Variants in COL4A5 observed in about 807,000 individuals in gnomAD.
The protein encoded by COL4A5 is collagen type IV alpha 5 chain, also known as collagen alpha-5(IV) chain.
Under a neutral mutation model 130.2 loss-of-function variants are expected in COL4A5, and 26 were observed. That is an observed-to-expected ratio of 0.20 (90% confidence interval 0.15 to 0.28). The LOEUF is 0.28. COL4A5 is among the 10% of genes least tolerant of loss of function. The pLI is 1.00. For missense variants in COL4A5, 1,131 were observed against 1,344.3 expected (o/e 0.84, Z 2.48); for synonymous variants, 496 against 439.6 (o/e 1.13, Z -1.60).
chrX:108,458,167 T>G (rs970896638), intron 1 of COL4A5, among the ~76,000 whole-genome samples: 2 of 111,636 alleles, frequency 1.8e-5, no homozygotes, highest in African/African-American at 6.5e-5. Context: ...CACCAAGATT[T>G]TCTTTCATAT....
intron 36 of COL4A5, among the ~76,000 whole-genome samples, chrX:108,647,532 G>T (rs1255541276): frequency 1.8e-5 from 2 of 111,312 alleles, no homozygotes; most frequent in Non-Finnish European, 3.8e-5. Context: ...TGCAAATAGG[G>T]ACAATTTGAC....
chrX:108,651,479 G>A (rs73530107), intron 36 of COL4A5, among the ~76,000 whole-genome samples: 11,719 of 111,406 alleles, frequency 0.11, 1,302 homozygotes, highest in African/African-American at 0.34. Context: ...CCTGAGATTT[G>A]ATGAACAAAT....
At position 108,614,916 on chromosome X, in the gene COL4A5, G is replaced by A; in HGVS notation, c.2401G>A (p.Val801Ile). The A allele has an allele frequency of 8.3e-7, 1 of 1,200,428 alleles. No homozygotes were observed. Among genetic ancestry groups the A allele is most frequent in the Non-Finnish European group, 1.1e-6 (1 of 885,216 alleles). Residue 801 changes from valine to isoleucine, a missense_variant, in exon 30 of 53, where the codon GTT (valine) becomes ATT (isoleucine). By Grantham distance (29) the Val-to-Ile change is conservative. Coordinates refer to ENST00000328300, the MANE Select transcript of COL4A5 (RefSeq NM_033380.3). ...LDGLPGPKGDVGPNGQPGPMG... is the reference protein window; with the variant it reads ...LDGLPGPKGDIGPNGQPGPMG... Reference sequence around the variant, plus strand: ...ACTGTATTTATTTCTTAAAGGTGATGTTGGACCAAATGGACAACCTGGACC... The same window carrying A: ...ACTGTATTTATTTCTTAAAGGTGATATTGGACCAAATGGACAACCTGGACC...
chrX:108,689,796 G>C (rs1051269105), intron 49 of COL4A5: 34 of 753,043 alleles, frequency 4.5e-5, no homozygotes, highest in Non-Finnish European at 5.2e-5. Context: ...AAGCTTTTCT[G>C]TCTGGGAGAA....
chrX:108,507,262 G>A (rs28887780), intron 1 of COL4A5, among the ~76,000 whole-genome samples: 6,378 of 69,618 alleles, frequency 0.092, 565 homozygotes, highest in African/African-American at 0.28. Flanking sequence ...AAAAAAAAAA[G>A]AAAAAAAAAA....
intron 1 of COL4A5, among the ~76,000 whole-genome samples, chrX:108,450,833 A>G (rs2064502757): frequency 9.1e-6 from 1 of 110,446 alleles, no homozygotes; most frequent in African/African-American, 3.3e-5. Context: ...TAGTTTTTTT[A>G]TTTTTATTTT....
At chrX:108,597,090 A>C (rs1463647293) in intron 23 of COL4A5, 22 bp downstream of exon 23, 2 of 1,146,017 alleles carry the variant, frequency 1.7e-6, no homozygotes, top group East Asian at 6.1e-5. Flanking sequence ...GTATATTATA[A>C]AACAAAAAGA....
chrX:108,475,262 T>G (rs1283489366), intron 1 of COL4A5, among the ~76,000 whole-genome samples: 1 of 111,680 alleles, frequency 9.0e-6, no homozygotes, highest in Non-Finnish European at 1.9e-5. Context: ...TTTATACATT[T>G]CAGTGTACCT....
intron 1 of COL4A5, among the ~76,000 whole-genome samples, chrX:108,465,763 G>A (rs1217566474): frequency 1.8e-5 from 2 of 111,689 alleles, no homozygotes; most frequent in Non-Finnish European, 3.8e-5. Context: ...TTGGTGTGCA[G>A]TGTGAGTTAA....
At position 108,606,598 on chromosome X, in the gene COL4A5, C is replaced by T. The variant is rs73528321; in HGVS notation, c.2245-144C>T. On this transcript the variant is annotated intron_variant, in intron 28 of 52. Transcript: ENST00000328300. ...TATGTTTTCTCCAACATACCAATTA[C>T]TTTTTATTTAATTATCTTCTCCTCT... The T allele has an allele frequency of 0.021, 12,884 of 626,103 alleles. 1,133 individuals are homozygous for T. In the African/African-American group the frequency reaches 0.25, roughly 12 times the overall value. 51.6% of individuals were successfully genotyped at this position (626,103 alleles called of 1,213,427 possible). A position where few individuals can be genotyped will look rare whatever the true frequency, so the allele number is the denominator to read the frequency against.
chrX:108,490,214 A>G (rs1382145668), intron 1 of COL4A5, among the ~76,000 whole-genome samples: 3 of 112,199 alleles, frequency 2.7e-5, no homozygotes. Context: ...TTAAAATACT[A>G]AACAGTTCCA....
At chrX:108,535,574 GT>G (rs778567203) in intron 1 of COL4A5, among the ~76,000 whole-genome samples, 2 of 110,183 alleles carry the variant, frequency 1.8e-5, no homozygotes, top group East Asian at 2.8e-4. Context: ...TTTTTTAAGG[GT>G]TTTTTTTCCT....
chrX:108,532,018 A>G (rs1383011824), intron 1 of COL4A5, among the ~76,000 whole-genome samples: 1 of 111,358 alleles, frequency 9.0e-6, no homozygotes, highest in Admixed American at 9.6e-5. Context: ...ACAAGACAGA[A>G]ATAATACCAA....
intron 43 of COL4A5, 65 bp downstream of exon 43, chrX:108,674,818 A>T: frequency 9.2e-7 from 1 of 1,081,940 alleles, no homozygotes. Flanking sequence ...GTGTGATAAG[A>T]GAAATGCAAT....
At chrX:108,513,915 C>T (rs2065200549) in intron 1 of COL4A5, among the ~76,000 whole-genome samples, 1 of 111,553 alleles carries the variant, frequency 9.0e-6, no homozygotes, top group Non-Finnish European at 1.9e-5. Context: ...GATGATCTTT[C>T]TCAAATAATT....
At chrX:108,656,910 C>T (rs1182465724) in intron 37 of COL4A5, among the ~76,000 whole-genome samples, 1 of 111,211 alleles carries the variant, frequency 9.0e-6, no homozygotes, top group Non-Finnish European at 1.9e-5. Context: ...GATATGAGTC[C>T]TTTGTCAGAT....
chrX:108,562,902 T>G (rs979352925), intron 3 of COL4A5, among the ~76,000 whole-genome samples: 2 of 111,850 alleles, frequency 1.8e-5, no homozygotes, highest in African/African-American at 6.5e-5. Context: ...TTCTCACCTG[T>G]GTCCATTAGT....
rs934689686 is a variant in COL4A5, at chrX:108,627,445, A to G, written c.3246+1096A>G. The stretch of plus-strand genomic sequence containing the variant: ...CATTGTGTATATGTAGAATCATGGT[A>G]TGCATGCTACTCTGTACCTTGCTTT... On this transcript the variant is annotated intron_variant, in intron 36 of 52. Transcript: ENST00000328300. 5.4e-6 allele frequency: 4 copies of G among 742,331 alleles called. No homozygotes were observed. In the African/African-American group the frequency reaches 9.3e-5, roughly 17 times the overall value. 61.2% of individuals were successfully genotyped at this position (742,331 alleles called of 1,213,427 possible). A position where few individuals can be genotyped will look rare whatever the true frequency, so the allele number is the denominator to read the frequency against.
intron 1 of COL4A5, among the ~76,000 whole-genome samples, chrX:108,491,281 C>G (rs16985496): frequency 0.11 from 11,822 of 111,317 alleles, 1,351 homozygotes; most frequent in African/African-American, 0.34. Flanking sequence ...CTGAAACTGA[C>G]AGCAGCTGAG....
Sources: allele counts gnomAD v4.1 joint callset (sites outside exome capture counted in the v4.1 genomes callset), GRCh38; gene constraint gnomAD v4.1.1; transcripts MANE v1.5; gene names NCBI Gene and HGNC (gene_info 2026-07-23, HGNC 2026-07-21).